The following CGGBP1 variants were observed in gnomAD, a reference collection of about 807,000 sequenced individuals.
CGGBP1 encodes CGG triplet repeat-binding protein 1.
In CGGBP1, 4 loss-of-function variants were observed where a neutral mutation model predicts 11.4. That is an observed-to-expected ratio of 0.35 (90% CI 0.17 to 0.80). The LOEUF (loss-of-function observed/expected upper bound fraction) is 0.80, where lower values mean the gene tolerates loss of function less well. Ranked by LOEUF, CGGBP1 falls within the 30% of genes least tolerant of loss-of-function variation. The probability of loss-of-function intolerance (pLI) is 0.52; values close to 1 mark genes in which losing one functional copy is unlikely to be tolerated. For missense variants in CGGBP1, 135 were observed against 202.1 expected (o/e 0.67, Z 2.01); for synonymous variants, 76 against 74.1 (o/e 1.03, Z -0.13).
intron 2 of CGGBP1, chr3:88,129,056 C>T: frequency 7.8e-7 from 1 of 1,285,974 alleles, no homozygotes; most frequent in Non-Finnish European, 1.0e-6. Context: ...TTAACCCTAC[C>T]AAAAAAAAAC....
chr3:88,140,704 G>C lies in CGGBP1; in HGVS notation c.-229+266C>G. On this transcript the variant is annotated intron_variant, in intron 2 of 3. Transcript: ENST00000462901. ...ACAGAAAATGGTTCCATTTTGCCCAGTGTTGTACCACAAGAACACAACACC... is the reference window on the plus strand; with the variant it reads ...ACAGAAAATGGTTCCATTTTGCCCACTGTTGTACCACAAGAACACAACACC... The C allele has an allele frequency of 6.8e-6, 11 of 1,613,700 alleles. No homozygotes were observed. The Middle Eastern group carries it at 5.0e-4, about 73-fold the overall frequency.
rs1435997688 is a variant in CGGBP1 at position 88,053,095 on chromosome 3, T to C, written c.*2378A>G. On this transcript the variant is annotated 3_prime_UTR_variant, in exon 4 of 4. Transcript: ENST00000482016. ...TCACACTAACACTATATAGTTAAGATTGAAAACTTCTGTACACACGTTCAC... is the reference window on the plus strand; with the variant it reads ...TCACACTAACACTATATAGTTAAGACTGAAAACTTCTGTACACACGTTCAC... The C allele has an allele frequency of 2.0e-5, 3 of 152,576 alleles. No individual in the cohort carries two copies. The highest frequency in any genetic ancestry group is 7.2e-5 in the African/African-American group (3 of 41,460). The allele number at this position is 152,576 out of a possible 1,614,324, so 9.5% of individuals were successfully genotyped here. A position where few individuals can be genotyped will look rare whatever the true frequency, so the allele number is the denominator to read the frequency against.
In CGGBP1 at chr3:88,072,802, G is replaced by A. The variant is rs529438948; in HGVS notation, c.-228-14579C>T. 8.0e-4 allele frequency among the ~76,000 whole-genome samples: 122 copies of A among 152,172 alleles called. 1 individual carries two copies. The highest frequency in any genetic ancestry group is 2.9e-3 in the African/African-American group (119 of 41,504). On this transcript the variant is annotated intron_variant, in intron 2 of 3. Transcript: ENST00000462901. ...CTTGGTACACAGTAGGCACTCTAAG[G>A]TTTGAATAAATTAATGAATAAATAT...
chr3:88,065,044 A>G (rs1707115743), intron 2 of CGGBP1, among the ~76,000 whole-genome samples: 1 of 152,258 alleles, frequency 6.6e-6, no homozygotes, highest in South Asian at 2.1e-4. Context: ...TTGCATCGAT[A>G]ATTGCATTGA....
intron 2 of CGGBP1, among the ~76,000 whole-genome samples, chr3:88,116,052 G>T (rs1705369942): frequency 6.6e-6 from 1 of 152,098 alleles, no homozygotes. Context: ...CTGGTATCCA[G>T]TCATGTCCCC....
At chr3:88,100,478 TACCCA>T (rs1364285421) in intron 2 of CGGBP1, among the ~76,000 whole-genome samples, 27 of 152,216 alleles carry the variant, frequency 1.8e-4, no homozygotes, top group African/African-American at 6.5e-4. Context: ...ACTGGGTATA[TACCCA>T]GAGGATTATA....
At chr3:88,094,316 T>C (rs1240638329) in intron 2 of CGGBP1, among the ~76,000 whole-genome samples, 2 of 152,156 alleles carry the variant, frequency 1.3e-5, no homozygotes, top group Non-Finnish European at 2.9e-5. Context: ...ACTAGCATCT[T>C]TTCCCCGGTA....
At chr3:88,137,573 C>T (rs956538980) in intron 2 of CGGBP1, among the ~76,000 whole-genome samples, 1 of 151,784 alleles carries the variant, frequency 6.6e-6, no homozygotes, top group African/African-American at 2.4e-5. Flanking sequence ...ATTTATAAAA[C>T]AAAATTGAAA....
intron 1 of CGGBP1, among the ~76,000 whole-genome samples, chr3:88,148,312 G>A (rs915547625): frequency 5.3e-5 from 8 of 152,088 alleles, no homozygotes; most frequent in African/African-American, 1.9e-4. Context: ...AACAATAACT[G>A]GCAAGTAGGT....
intron 1 of CGGBP1, chr3:88,141,584 A>G: frequency 7.7e-7 from 1 of 1,305,800 alleles, no homozygotes; most frequent in South Asian, 1.7e-5. Flanking sequence ...CAGGAATCTG[A>G]CTTGGAATTC....
At chr3:88,129,595 A>G (rs1408338851) in intron 2 of CGGBP1, 1 of 1,021,390 alleles carries the variant, frequency 9.8e-7, no homozygotes, top group African/African-American at 1.6e-5. Context: ...CTAGAAATCT[A>G]AGCAATTTCT....
upstream of CGGBP1, chr3:88,059,165 G>A (rs1343102373): frequency 3.0e-5 from 41 of 1,376,246 alleles, no homozygotes; most frequent in Middle Eastern, 2.6e-4. Flanking sequence ...GGGCGTGGGT[G>A]GGCGGAGCCG....
upstream of CGGBP1, among the ~76,000 whole-genome samples, chr3:88,059,769 C>T (rs1160031454): frequency 2.0e-5 from 3 of 152,050 alleles, no homozygotes; most frequent in Non-Finnish European, 2.9e-5. Context: ...GTCGGCTGTC[C>T]GGAAAGCTCT....
At chr3:88,089,837 T>C (rs1269465328) in intron 2 of CGGBP1, among the ~76,000 whole-genome samples, 1 of 152,188 alleles carries the variant, frequency 6.6e-6, no homozygotes, top group Non-Finnish European at 1.5e-5. Context: ...GGCTAGTCCA[T>C]GGCTAGGGAA....
intron 2 of CGGBP1, among the ~76,000 whole-genome samples, chr3:88,099,895 A>G (rs1240929025): frequency 6.6e-6 from 1 of 152,234 alleles, no homozygotes; most frequent in Non-Finnish European, 1.5e-5. Flanking sequence ...AGGCAATACC[A>G]TTGAGGACAT....
At chr3:88,139,571 T>C (rs1414348471) in intron 2 of CGGBP1, 3 of 1,613,638 alleles carry the variant, frequency 1.9e-6, no homozygotes, top group Non-Finnish European at 2.5e-6. Flanking sequence ...GGAATTCTGA[T>C]AGTAAGGATT....
chr3:88,099,825 A>C (rs1704298147), intron 2 of CGGBP1, among the ~76,000 whole-genome samples: 1 of 152,234 alleles, frequency 6.6e-6, no homozygotes, highest in African/African-American at 2.4e-5. Context: ...AAATTAATTC[A>C]AGATGGATTA....
chr3:88,126,130 C>T, intron 2 of CGGBP1: 3 of 1,496,638 alleles, frequency 2.0e-6, no homozygotes, highest in Non-Finnish European at 1.8e-6. Flanking sequence ...TTTTTCTCTC[C>T]TAGGAATGCC....
chr3:88,138,120 T>C (rs950653095), intron 2 of CGGBP1, among the ~76,000 whole-genome samples: 9 of 152,220 alleles, frequency 5.9e-5, no homozygotes, highest in Admixed American at 5.2e-4. Context: ...CTGAGGCTTA[T>C]ATACCTTATT....
Sources: gnomAD v4.1 joint callset for allele counts (sites outside exome capture counted in the v4.1 genomes callset) on GRCh38, gnomAD v4.1.1 for gene constraint, MANE v1.5 for transcripts, NCBI Gene and HGNC (gene_info 2026-07-23, HGNC 2026-07-21) for gene names.